Variants in ARHGEF12 observed in about 807,000 individuals in gnomAD.
ARHGEF12 encodes the protein KMT2A/ARHGEF12 fusion protein.
In ARHGEF12, 66 loss-of-function variants were observed where a neutral mutation model predicts 211.2. The ratio of observed to expected loss-of-function variants is 0.31; its 90% confidence interval spans 0.26 to 0.38. ARHGEF12 has a LOEUF of 0.38. Among genes scored for constraint, ARHGEF12 ranks in the 10% least tolerant of loss-of-function variants. The pLI is 1.00. For synonymous variants in ARHGEF12, 592 were observed against 638.4 expected (o/e 0.93, Z 1.09); for missense variants, 1,429 against 1,869.5 (o/e 0.76, Z 4.34).
intron 36 of ARHGEF12, 59 bp from the exon 37 acceptor site, chr11:120,478,095 TCA>T: frequency 8.6e-7 from 1 of 1,156,934 alleles, no homozygotes; most frequent in Non-Finnish European, 1.2e-6. Context: ...CCTGAATGCT[TCA>T]TGTTAAAAGT....
chr11:120,351,424 TATATATATATATATATATATATATA>T (rs1565420418), intron 1 of ARHGEF12, among the ~76,000 whole-genome samples: 8 of 7,064 alleles, frequency 1.1e-3, no homozygotes, highest in African/African-American at 4.5e-3. Context: ...TATATATATA[TATATATATATATATATATATATATA>T]TATATATTTT....
chr11:120,403,202 A>T (rs1241647528), intron 1 of ARHGEF12, among the ~76,000 whole-genome samples: 1 of 152,176 alleles, frequency 6.6e-6, no homozygotes, highest in Non-Finnish European at 1.5e-5. Flanking sequence ...TGTGCTTAAT[A>T]TACAAAATCA....
Position 120,447,810 on chromosome 11 carries a change from T to G in ARHGEF12, c.1590-64T>G, listed in dbSNP as rs12418151. ...CAGCCTGGGTGGCAGAGTGAGACTC[T>G]GTCTCAAAAAAATTAATTAAACTTC... On this transcript the variant is annotated intron_variant, in intron 18 of 40. Transcript: ENST00000397843. 1,340 of 1,197,654 alleles carry G rather than the reference T, an allele frequency of 1.1e-3. 14 individuals are homozygous for G. The Admixed American group carries it at 0.022, about 19-fold the overall frequency. The allele number at this position is 1,197,654 out of a possible 1,614,324, so 74.2% of individuals were successfully genotyped here.
chr11:120,453,594 G>A (rs577662279), intron 22 of ARHGEF12, among the ~76,000 whole-genome samples: 1 of 152,188 alleles, frequency 6.6e-6, no homozygotes, highest in East Asian at 1.9e-4. Flanking sequence ...GCATGTGCCT[G>A]TAGTCCTAGC....
At chr11:120,350,545 A>G (rs1229795924) in intron 1 of ARHGEF12, among the ~76,000 whole-genome samples, 1 of 151,548 alleles carries the variant, frequency 6.6e-6, no homozygotes, top group East Asian at 1.9e-4. Context: ...AAGTATGTGT[A>G]TTTGGGGGAA....
rs1229358203 is a variant in ARHGEF12 at position 120,488,340 on chromosome 11, A to G, written c.*3263A>G. On this transcript the variant is annotated 3_prime_UTR_variant, in exon 41 of 41. Coordinates refer to ENST00000397843, the MANE Select transcript of ARHGEF12 (RefSeq NM_015313.3). ...TTCCCTATATGTCACAGAGGGCACC[A>G]CTGAGAACTGCGTGCATAGGACCTC... The G allele has an allele frequency of 4.7e-6, 1 of 214,790 alleles. No individual in the cohort carries two copies. Among genetic ancestry groups the G allele is most frequent in the Non-Finnish European group, 9.4e-6 (1 of 106,430 alleles). The allele number at this position is 214,790 out of a possible 1,614,324, so 13.3% of individuals were successfully genotyped here.
intron 37 of ARHGEF12, 56 bp from the exon 38 acceptor site, chr11:120,479,904 C>A: frequency 7.0e-7 from 1 of 1,434,892 alleles, no homozygotes. Context: ...ATTCTTGCAG[C>A]CTGAGGTTAT....
intron 21 of ARHGEF12, 36 bp from the exon 22 acceptor site, chr11:120,451,476 C>A: frequency 6.2e-7 from 1 of 1,605,886 alleles, no homozygotes; most frequent in East Asian, 2.2e-5. Flanking sequence ...CGCACCCAGC[C>A]GCAATACAGA....
intron 1 of ARHGEF12, among the ~76,000 whole-genome samples, chr11:120,347,159 C>CTTTCTTT (rs1565417015): frequency 2.7e-5 from 2 of 72,932 alleles, no homozygotes; most frequent in African/African-American, 1.2e-4. Context: ...TTCCTTCCTT[C>CTTTCTTT]CTTCCTTCCT....
rs576355222 is a variant in ARHGEF12 at position 120,442,343 on chromosome 11, A to G, written c.1302+141A>G. On this transcript the variant is annotated intron_variant, in intron 15 of 40. Coordinates refer to ENST00000397843, the MANE Select transcript of ARHGEF12 (RefSeq NM_015313.3). The stretch of plus-strand genomic sequence containing the variant: ...TTATATTTCAATTATTGATTACTCT[A>G]GACTTTTTTTTTTTTATCATTTCTA... 3 of 550,784 alleles carry G rather than the reference A, an allele frequency of 5.4e-6. No individual in the cohort carries two copies. The Admixed American group carries it at 1.2e-4, about 22-fold the overall frequency. The allele number at this position is 550,784 out of a possible 1,614,324, so 34.1% of individuals were successfully genotyped here.
intron 28 of ARHGEF12, among the ~76,000 whole-genome samples, 168 bp downstream of exon 28, chr11:120,465,530 A>G (rs1946678729): frequency 6.6e-6 from 1 of 152,080 alleles, no homozygotes; most frequent in African/African-American, 2.4e-5. Context: ...GCAATGGCAC[A>G]ATCTCAGCTC....
At chr11:120,457,041 T>C (rs1267296562) in intron 22 of ARHGEF12, 77 bp from the exon 23 acceptor site, 6 of 1,450,842 alleles carry the variant, frequency 4.1e-6, no homozygotes, top group Non-Finnish European at 5.7e-6. Context: ...GAAGCTGTTC[T>C]GGGAACTAAT....
At chr11:120,371,489 A>C (rs918331738) in intron 1 of ARHGEF12, among the ~76,000 whole-genome samples, 3 of 152,226 alleles carry the variant, frequency 2.0e-5, no homozygotes, top group African/African-American at 4.8e-5. Flanking sequence ...CTCCGTCTCA[A>C]AAAACAAAAA....
chr11:120,488,978 G>A lies in ARHGEF12; in HGVS notation c.*3901G>A, dbSNP rs1300321518. The A allele has an allele frequency of 4.6e-6, 1 of 218,950 alleles. No homozygotes were observed. Among genetic ancestry groups the A allele is most frequent in the Non-Finnish European group, 9.2e-6 (1 of 108,826 alleles). The allele number at this position is 218,950 out of a possible 1,614,324, so 13.6% of individuals were successfully genotyped here. A position where few individuals can be genotyped will look rare whatever the true frequency, so the allele number is the denominator to read the frequency against. On this transcript the variant is annotated 3_prime_UTR_variant, in exon 41 of 41. Transcript: ENST00000397843. ...TCATCTAAAAACTTTCTGTTTTCTGGGGTCTGGGAAAATAGAAAATAAGAT... is the reference window on the plus strand; with the variant it reads ...TCATCTAAAAACTTTCTGTTTTCTGAGGTCTGGGAAAATAGAAAATAAGAT...
intron 35 of ARHGEF12, 34 bp downstream of exon 35, chr11:120,477,339 T>A: frequency 6.2e-7 from 1 of 1,610,816 alleles, no homozygotes; most frequent in Non-Finnish European, 8.5e-7. Context: ...TAGGACTTAT[T>A]TTATGTTTTG....
intron 1 of ARHGEF12, among the ~76,000 whole-genome samples, chr11:120,405,656 G>A (rs988332247): frequency 2.6e-5 from 4 of 152,108 alleles, no homozygotes; most frequent in Non-Finnish European, 4.4e-5. Context: ...TGGGAAGGAA[G>A]GAACTTTCCC....
intron 27 of ARHGEF12, chr11:120,464,516 A>C (rs1321778729): frequency 1.3e-5 from 2 of 151,932 alleles, no homozygotes; most frequent in Non-Finnish European, 2.9e-5. Context: ...TGGGAGGCGG[A>C]GGTTGCAGTG....
intron 1 of ARHGEF12, among the ~76,000 whole-genome samples, chr11:120,372,066 T>G (rs946805110): frequency 1.3e-5 from 2 of 152,260 alleles, no homozygotes; most frequent in Non-Finnish European, 2.9e-5. Context: ...GTTTATAACC[T>G]AGAGCAGTGA....
chr11:120,433,055 G>T (rs1043322421), intron 11 of ARHGEF12, among the ~76,000 whole-genome samples: 1 of 152,100 alleles, frequency 6.6e-6, no homozygotes, highest in Non-Finnish European at 1.5e-5. Flanking sequence ...TCCCATACAC[G>T]GTGATAAGGT....
Sources: gnomAD v4.1 joint callset for allele counts (sites outside exome capture counted in the v4.1 genomes callset) on GRCh38, gnomAD v4.1.1 for gene constraint, MANE v1.5 for transcripts, NCBI Gene and HGNC (gene_info 2026-07-23, HGNC 2026-07-21) for gene names.